The following ZNF319 variants were observed in gnomAD, a reference collection of about 807,000 sequenced individuals.
ZNF319 encodes the protein zinc finger protein 319.
Under a neutral mutation model 46.0 loss-of-function variants are expected in ZNF319, and 15 were observed. That is an observed-to-expected ratio of 0.33 (90% CI 0.22 to 0.50). The LOEUF (loss-of-function observed/expected upper bound fraction) is 0.50, where lower values mean the gene tolerates loss of function less well. Among genes scored for constraint, ZNF319 ranks in the 20% least tolerant of loss-of-function variants. ZNF319 has a pLI of 0.98. For synonymous variants in ZNF319, 368 were observed against 364.0 expected (o/e 1.01, Z -0.13); for missense variants, 635 against 807.0 (o/e 0.79, Z 2.58).
In ZNF319 at chr16:57,996,797, T is replaced by C; in HGVS notation, c.1469A>G (p.Asp490Gly). ...PAREKPLKCP[D>G]CEKRFKYASD... Reference sequence around the variant, plus strand: ...CGCGTACTTGAAGCGTTTCTCGCAGTCTGGGCACTTGAGTGGCTTCTCGCG... The same window carrying C: ...CGCGTACTTGAAGCGTTTCTCGCAGCCTGGGCACTTGAGTGGCTTCTCGCG... Residue 490 changes from aspartate to glycine, a missense_variant, in exon 2 of 2, where the codon GAC (aspartate) becomes GGC (glycine). Around this residue, in one of 3 missense-constraint regions of ZNF319, gnomAD observed 270 missense variants for 281.4 expected, o/e 0.96. Transcript: ENST00000299237. The C allele has an allele frequency of 1.2e-6, 2 of 1,611,072 alleles. No individual in the cohort carries two copies. Among genetic ancestry groups the C allele is most frequent in the South Asian group, 2.2e-5 (2 of 90,780 alleles).
In ZNF319 at chr16:57,999,600, T is replaced by C. The variant is rs1963109550; in HGVS notation, c.-365A>G. The C allele has an allele frequency of 6.6e-6, 1 of 152,214 alleles. No homozygotes were observed. Among genetic ancestry groups the C allele is most frequent in the East Asian group, 1.9e-4 (1 of 5,192 alleles). 9.4% of individuals were successfully genotyped at this position (152,214 alleles called of 1,614,324 possible). On this transcript the variant is annotated 5_prime_UTR_variant, in exon 1 of 2. Transcript: ENST00000299237. ...CATCTGCCTCTTACATTTAAAAGTT[T>C]GTAAGTTTTCTCCTGAGCAGAGGAA...
rs1440337748 is a variant in ZNF319, at chr16:58,000,213, G to T, written c.-978C>A. ...CCGAGGGCGGCCGGGCTGGAGAAAG[G>T]CCCCAGGGCTACAGGCCGGGCCCAG... On this transcript the variant is annotated 5_prime_UTR_variant, in exon 1 of 2. Transcript: ENST00000299237. The surrounding 1 kb of genome is among the most constrained non-coding windows in gnomAD (Gnocchi z 4.5). Among the ~76,000 whole-genome samples the T allele has an allele frequency of 1.3e-5, 2 of 152,070 alleles. No individual in the cohort carries two copies. The highest frequency in any genetic ancestry group is 4.8e-5 in the African/African-American group (2 of 41,442).
Position 57,998,422 on chromosome 16 carries a change from C to A in ZNF319, c.-157G>T. The A allele has an allele frequency of 8.0e-7, 1 of 1,246,194 alleles. No homozygotes were observed. The highest frequency in any genetic ancestry group is 1.1e-6 in the Non-Finnish European group (1 of 913,894). 77.2% of individuals were successfully genotyped at this position (1,246,194 alleles called of 1,614,324 possible). On this transcript the variant is annotated 5_prime_UTR_variant, in exon 2 of 2. Transcript: ENST00000299237. ...TGGTCAGACAGCCCGAGTCAGTAAC[C>A]AAGCGGACAGACTACAAGGCTCTGC...
At chr16:57,998,620 A>C in intron 1 of ZNF319, 98 bp from the exon 2 acceptor site, 1 of 210,898 alleles carries the variant, frequency 4.7e-6, no homozygotes, top group Non-Finnish European at 9.8e-6. Flanking sequence ...ACCATCACAA[A>C]CCACACATCG....
In ZNF319 at chr16:57,994,842, TA is replaced by T. The variant is rs1962982453; in HGVS notation, c.*1674del. 6.6e-6 allele frequency: 1 copy of T among 152,236 alleles called. No individual in the cohort carries two copies. Among genetic ancestry groups the T allele is most frequent in the Admixed American group, 6.5e-5 (1 of 15,284 alleles). 9.4% of individuals were successfully genotyped at this position (152,236 alleles called of 1,614,324 possible). On this transcript the variant is annotated 3_prime_UTR_variant, in exon 2 of 2. Transcript: ENST00000299237. ...AAATTAAACTCTACAATGTTATGAATAGTATAACAAACTGCTTTCAGAAAGC... is the reference window on the plus strand; with the variant it reads ...AAATTAAACTCTACAATGTTATGAATGTATAACAAACTGCTTTCAGAAAGC...
Position 57,997,037 on chromosome 16 carries a change from T to G in ZNF319, c.1229A>C (p.Gln410Pro). 2 of 1,612,426 alleles carry G rather than the reference T, an allele frequency of 1.2e-6. No homozygotes were observed. ...CTTGTGCCGCAGCAGCTCGGCAGAT[T>G]GGTCAAAGCCTTTCTGGCACACGGG... ...KCPVCQKGFD[Q>P]SAELLRHKCL... The change falls in exon 2 of 2, where the codon CAA (glutamine) becomes CCA (proline). Residue 410 changes from glutamine (Q) to proline (P), a missense_variant. By Grantham distance (76) the Gln-to-Pro change is moderately conservative (BLOSUM62 -1). This residue lies in a region of ZNF319 where 270 missense variants were observed against 281.4 expected (regional missense o/e 0.96). Coordinates refer to ENST00000299237, the MANE Select transcript of ZNF319 (RefSeq NM_020807.3).
rs1963075295 is a variant in ZNF319, at chr16:57,998,461, G to GA, written c.-197_-196insT. The stretch of plus-strand genomic sequence containing the variant: ...ACAAGGCTCTGCCTACAGGACATGG[G>GA]GGCTCTTCAAGGGAGGGTCCCAGCA... On this transcript the variant is annotated 5_prime_UTR_variant, in exon 2 of 2. It removes the in-frame stop codon of an upstream open reading frame in the 5' UTR. Transcript: ENST00000299237. 1 of 814,748 alleles carries GA rather than the reference G, an allele frequency of 1.2e-6. No homozygotes were observed. The highest frequency in any genetic ancestry group is 1.7e-5 in the African/African-American group (1 of 58,172). The allele number at this position is 814,748 out of a possible 1,614,324, so 50.5% of individuals were successfully genotyped here.
Position 57,996,559 on chromosome 16 carries a change from C to CGCG in ZNF319, c.1704_1706dup (p.Ala571dup), listed in dbSNP as rs754207339. On this transcript the variant is annotated inframe_insertion, in exon 2 of 2. Coordinates refer to ENST00000299237, the MANE Select transcript of ZNF319 (RefSeq NM_020807.3). ...CTACCTGGTAGGCGCCCTCCGCTGC[C>CGCG]GCGGCGGCGGCACTGTGCTGCGCGC... 2.6e-6 allele frequency: 4 copies of CGCG among 1,567,308 alleles called. No individual in the cohort carries two copies. The highest frequency in any genetic ancestry group is 2.3e-5 in the South Asian group (2 of 86,866).
At chr16:57,998,869 A>T (rs1035135643) in intron 1 of ZNF319, among the ~76,000 whole-genome samples, 2 of 152,012 alleles carry the variant, frequency 1.3e-5, no homozygotes, top group Non-Finnish European at 2.9e-5. Flanking sequence ...TACAATACAG[A>T]ATCCTCCTTA....
In ZNF319 at chr16:57,995,403, T is replaced by G. The variant is rs540172876; in HGVS notation, c.*1114A>C. The G allele has an allele frequency of 2.0e-5, 3 of 152,630 alleles. No individual in the cohort carries two copies. Among genetic ancestry groups the G allele is most frequent in the African/African-American group, 7.2e-5 (3 of 41,576 alleles). 9.5% of individuals were successfully genotyped at this position (152,630 alleles called of 1,614,324 possible). Reference sequence around the variant, plus strand: ...CTCTGGCCTTTGAAGTAGCTGGATGTTGTCCAGAACATCTTGGCTGTACCA... The same window carrying G: ...CTCTGGCCTTTGAAGTAGCTGGATGGTGTCCAGAACATCTTGGCTGTACCA... On this transcript the variant is annotated 3_prime_UTR_variant, in exon 2 of 2. Coordinates refer to ENST00000299237, the MANE Select transcript of ZNF319 (RefSeq NM_020807.3).
In ZNF319 at chr16:57,997,309, C is replaced by G; in HGVS notation, c.957G>C (p.Glu319Asp). ...PSGERPFRCG[E>D]CQKAFKRPSD... ...AGGGCCGCTTGAAGGCCTTCTGGCA[C>G]TCGCCGCAGCGGAAGGGCCGCTCCC... Residue 319 changes from glutamate to aspartate, a missense_variant, in exon 2 of 2, where the codon GAG becomes GAC. This residue lies in a region of ZNF319 where 138 missense variants were observed against 248.0 expected (regional missense o/e 0.56). Coordinates refer to ENST00000299237, the MANE Select transcript of ZNF319 (RefSeq NM_020807.3). The G allele has an allele frequency of 1.2e-6, 2 of 1,610,972 alleles. No homozygotes were observed. Among genetic ancestry groups the G allele is most frequent in the Non-Finnish European group, 1.7e-6 (2 of 1,179,844 alleles).
Position 57,997,279 on chromosome 16 carries a change from G to A in ZNF319, c.987C>T (p.Asp329=). 1 of 1,611,118 alleles carries A rather than the reference G, an allele frequency of 6.2e-7. No homozygotes were observed. Among genetic ancestry groups the A allele is most frequent in the East Asian group, 2.2e-5 (1 of 44,876 alleles). Residue 329 remains aspartate, a synonymous_variant, in exon 2 of 2, where the codon GAC becomes GAT. Coordinates refer to ENST00000299237, the MANE Select transcript of ZNF319 (RefSeq NM_020807.3). Reference sequence around the variant, plus strand: ...TGTGTGTGCGCTCATGCTGCCGCAGGTCCGAGGGCCGCTTGAAGGCCTTCT... The same window carrying A: ...TGTGTGTGCGCTCATGCTGCCGCAGATCCGAGGGCCGCTTGAAGGCCTTCT... ...ECQKAFKRPS[D]LRQHERTHSA...
At position 57,995,613 on chromosome 16, in the gene ZNF319, T is replaced by C. The variant is rs1273984082; in HGVS notation, c.*904A>G. The C allele has an allele frequency of 6.5e-6, 1 of 152,756 alleles. No homozygotes were observed. Among genetic ancestry groups the C allele is most frequent in the East Asian group, 1.9e-4 (1 of 5,198 alleles). The allele number at this position is 152,756 out of a possible 1,614,324, so 9.5% of individuals were successfully genotyped here. On this transcript the variant is annotated 3_prime_UTR_variant, in exon 2 of 2. Coordinates refer to ENST00000299237, the MANE Select transcript of ZNF319 (RefSeq NM_020807.3). ...CACTTGTTTGCATCTGCTGGGGAGATCCTAGGCCTGGTCCTGCTTCCTCCC... is the reference window on the plus strand; with the variant it reads ...CACTTGTTTGCATCTGCTGGGGAGACCCTAGGCCTGGTCCTGCTTCCTCCC...
At position 57,999,807 on chromosome 16, in the gene ZNF319, G is replaced by C. The variant is rs563776755; in HGVS notation, c.-572C>G. On this transcript the variant is annotated 5_prime_UTR_variant, in exon 1 of 2. Coordinates refer to ENST00000299237, the MANE Select transcript of ZNF319 (RefSeq NM_020807.3). ...AGCAGGTACCACTCTAAGCCTTCTC[G>C]GGACAGAGAGGGGGAAGGTGGGCTT... The C allele has an allele frequency of 6.6e-6, 1 of 152,388 alleles. No homozygotes were observed. The highest frequency in any genetic ancestry group is 2.4e-5 in the African/African-American group (1 of 41,464). 9.4% of individuals were successfully genotyped at this position (152,388 alleles called of 1,614,324 possible).
chr16:58,000,550 G>A lies in ZNF319; in HGVS notation c.-1315C>T, dbSNP rs957367781. ...GCGTAGCGGCTGCGGCCGGACCGGG[G>A]GCGGGGGACGGGCTAGCGGCGGCCG... On this transcript the variant is annotated 5_prime_UTR_variant, in exon 1 of 2. Coordinates refer to ENST00000299237, the MANE Select transcript of ZNF319 (RefSeq NM_020807.3). The surrounding 1 kb of genome is among the most constrained non-coding windows in gnomAD (Gnocchi z 4.5). 1 of 150,210 alleles carries A rather than the reference G, an allele frequency of 6.7e-6. No homozygotes were observed. The highest frequency in any genetic ancestry group is 1.5e-5 in the Non-Finnish European group (1 of 67,134). The allele number at this position is 150,210 out of a possible 1,614,324, so 9.3% of individuals were successfully genotyped here.
chr16:57,998,375 A>C lies in ZNF319; in HGVS notation c.-110T>G. On this transcript the variant is annotated 5_prime_UTR_variant, in exon 2 of 2. Transcript: ENST00000299237. ...AATCACAGAGATGGACAAGGACCTC[A>C]GACAAGGCACAGAAGAGGGGCTGGT... 8 of 1,498,556 alleles carry C rather than the reference A, an allele frequency of 5.3e-6. No homozygotes were observed. The highest frequency in any genetic ancestry group is 1.4e-5 in the African/African-American group (1 of 71,458). The allele number at this position is 1,498,556 out of a possible 1,614,324, so 92.8% of individuals were successfully genotyped here. A position where few individuals can be genotyped will look rare whatever the true frequency, so the allele number is the denominator to read the frequency against.
rs183926560 is a variant in ZNF319, at chr16:57,998,513, G to A, written c.-248C>T. 206 of 496,004 alleles carry A rather than the reference G, an allele frequency of 4.2e-4. No homozygotes were observed. The East Asian group carries it at 5.5e-3, about 13-fold the overall frequency. 30.7% of individuals were successfully genotyped at this position (496,004 alleles called of 1,614,324 possible). On this transcript the variant is annotated 5_prime_UTR_variant, in exon 2 of 2. Coordinates refer to ENST00000299237, the MANE Select transcript of ZNF319 (RefSeq NM_020807.3). ...TGCCGGGGAGACTCTGCCTTCCCCA[G>A]TGATCCGTTCTGTAGAGAAGAGAGA... is the stretch of plus-strand genomic sequence containing the variant.
Position 57,997,610 on chromosome 16 carries a change from C to T in ZNF319, c.656G>A (p.Arg219Gln), listed in dbSNP as rs1597035617. 6.2e-7 allele frequency: 1 copy of T among 1,614,046 alleles called. No homozygotes were observed. The highest frequency in any genetic ancestry group is 8.5e-7 in the Non-Finnish European group (1 of 1,180,024). Reference sequence around the variant, plus strand: ...CTCACCGGTGTGGATCCGCTCATGCCGAGAGAGCTCCGACAGGTGCTTGAA... The same window carrying T: ...CTCACCGGTGTGGATCCGCTCATGCTGAGAGAGCTCCGACAGGTGCTTGAA... ...KPFKHLSELS[R>Q]HERIHTGEKP... The change falls in exon 2 of 2, where the codon CGG becomes CAG. Residue 219 changes from arginine to glutamine, a missense_variant. Physicochemically the swap from Arg to Gln is conservative, Grantham distance 43. This residue lies in a region of ZNF319 where 138 missense variants were observed against 248.0 expected (regional missense o/e 0.56). Coordinates refer to ENST00000299237, the MANE Select transcript of ZNF319 (RefSeq NM_020807.3).
chr16:57,998,195 T>A lies in ZNF319; in HGVS notation c.71A>T (p.His24Leu), dbSNP rs1443953403. The A allele has an allele frequency of 6.4e-7, 1 of 1,558,312 alleles. No individual in the cohort carries two copies. The highest frequency in any genetic ancestry group is 2.3e-5 in the East Asian group (1 of 44,312). ...TGCCAGGGCTGGCGGTGGCTCTGCA[T>A]GGTGCTGAGGCTGCGGTGGCTGTGG... ...QQPQPPQPQH[H>L]AEPPPALAEH... Residue 24 changes from histidine to leucine, a missense_variant, in exon 2 of 2, where the codon CAT becomes CTT. His to Leu is a moderately conservative substitution (Grantham distance 99). This residue lies in a region of ZNF319 where 227 missense variants were observed against 277.5 expected (regional missense o/e 0.82). Coordinates refer to ENST00000299237, the MANE Select transcript of ZNF319 (RefSeq NM_020807.3).
Sources: gnomAD v4.1 joint callset for allele counts (sites outside exome capture counted in the v4.1 genomes callset) on GRCh38, gnomAD v4.1.1 for gene constraint, gnomAD v4.1.1 regional missense constraint, Gnocchi (gnomAD v3.1) non-coding constraint, MANE v1.5 for transcripts, NCBI Gene and HGNC (gene_info 2026-07-23, HGNC 2026-07-21) for gene names.